Variants in CWC27 observed in about 807,000 individuals in gnomAD.
CWC27 encodes the protein spliceosome-associated protein CWC27 homolog.
CWC27 carries 47 observed loss-of-function variants against 63.6 expected under a neutral mutation model. That is an observed-to-expected ratio of 0.74 (90% CI 0.58 to 0.94). The LOEUF (loss-of-function observed/expected upper bound fraction) is 0.94. Ranked by LOEUF, CWC27 falls within the 40% of genes least tolerant of loss-of-function variation. The probability of loss-of-function intolerance (pLI) is 0.00; values close to 1 mark genes in which losing one functional copy is unlikely to be tolerated. For synonymous variants in CWC27, 175 were observed against 179.8 expected, an observed-to-expected ratio of 0.97 and a Z score of 0.22; for missense variants, 495 against 554.3, an observed-to-expected ratio of 0.89 and a Z score of 1.07.
At chr5:64,860,815 A>C (rs1476644911) in intron 10 of CWC27, among the ~76,000 whole-genome samples, 2 of 152,226 alleles carry the variant, frequency 1.3e-5, no homozygotes, top group Non-Finnish European at 2.9e-5. Context: ...ATTAGTTGAT[A>C]AACTGTGAGT....
At chr5:64,774,504 T>C (rs943003753) in intron 1 of CWC27, among the ~76,000 whole-genome samples, 187 bp from the exon 2 acceptor site, 1 of 152,238 alleles carries the variant, frequency 6.6e-6, no homozygotes, top group Non-Finnish European at 1.5e-5. Flanking sequence ...TTTTGAAAGA[T>C]CTAAATGTAC....
At chr5:64,884,989 C>T (rs1747032341) in intron 10 of CWC27, among the ~76,000 whole-genome samples, 2 of 152,148 alleles carry the variant, frequency 1.3e-5, no homozygotes, top group South Asian at 4.1e-4. Flanking sequence ...TAGCGTGACA[C>T]CTACCGTGTA....
intron 10 of CWC27, among the ~76,000 whole-genome samples, chr5:64,834,010 A>G (rs1745594481): frequency 6.6e-6 from 1 of 151,570 alleles, no homozygotes; most frequent in Non-Finnish European, 1.5e-5. Context: ...TAATATGTAT[A>G]GTATCACTAA....
At position 64,770,348 on chromosome 5, in the gene CWC27, C is replaced by T. The variant is rs147955894; in HGVS notation, c.42+1160C>T. ...ATGTGAAAACCCAAAATACCTACCT[C>T]CTCCTATTTCCAAATGTTTCTTGAG... On this transcript the variant is annotated intron_variant, in intron 1 of 13. Transcript: ENST00000381070. 5.5e-3 allele frequency among the ~76,000 whole-genome samples: 842 copies of T among 152,270 alleles called. 8 individuals are homozygous for T. Among genetic ancestry groups the T allele is most frequent in the African/African-American group, 0.019 (800 of 41,546 alleles).
chr5:65,014,222 CT>C (rs1750012713), intron 13 of CWC27, among the ~76,000 whole-genome samples: 2 of 3,644 alleles, frequency 5.5e-4, no homozygotes, highest in South Asian at 0.038. Context: ...ATACTATATA[CT>C]ACAATATATA....
intron 10 of CWC27, among the ~76,000 whole-genome samples, chr5:64,839,042 A>G (rs1745736725): frequency 6.6e-6 from 1 of 152,196 alleles, no homozygotes; most frequent in African/African-American, 2.4e-5. Context: ...AAACAATGGA[A>G]GGTGGGGCCA....
At chr5:64,907,530 C>T (rs6892925) in intron 11 of CWC27, among the ~76,000 whole-genome samples, 4,313 of 152,286 alleles carry the variant, frequency 0.028, 144 homozygotes, top group African/African-American at 0.08. Context: ...TGAGACTTTG[C>T]TGAAGTTGCT....
chr5:64,772,981 C>T (rs1446051986), intron 1 of CWC27, among the ~76,000 whole-genome samples: 2 of 150,510 alleles, frequency 1.3e-5, no homozygotes, highest in African/African-American at 2.4e-5. Context: ...TGTAATTTTT[C>T]ATAACGACTA....
At chr5:64,846,908 C>T (rs181763299) in intron 10 of CWC27, among the ~76,000 whole-genome samples, 111 of 148,648 alleles carry the variant, frequency 7.5e-4, no homozygotes, top group Non-Finnish European at 1.4e-3. Context: ...ACAGGAGAAT[C>T]GCTTGAATCC....
At chr5:64,922,845 A>C (rs1748023286) in intron 11 of CWC27, among the ~76,000 whole-genome samples, 1 of 152,164 alleles carries the variant, frequency 6.6e-6, no homozygotes, top group Non-Finnish European at 1.5e-5. Flanking sequence ...GGTGCAAGTT[A>C]GGAAAGTTAA....
In CWC27 at chr5:64,896,276, C is replaced by T. The variant is rs188018898; in HGVS notation, c.1042+10730C>T. On this transcript the variant is annotated intron_variant, in intron 11 of 13. Transcript: ENST00000381070. ...CTGAAAAACATTGCTACCTGTGGAC[C>T]TTCACCAAAGGAAATTCTAAAGGAT... 2.0e-5 allele frequency among the ~76,000 whole-genome samples: 3 copies of T among 152,216 alleles called. No homozygotes were observed. In the East Asian group the frequency reaches 5.8e-4, roughly 29 times the overall value.
chr5:64,784,763 G>T (rs953815495), intron 4 of CWC27, among the ~76,000 whole-genome samples: 3 of 152,188 alleles, frequency 2.0e-5, no homozygotes, highest in Non-Finnish European at 2.9e-5. Flanking sequence ...ACTATATGTT[G>T]CAATGTTGTT....
At chr5:64,962,619 C>T (rs1748937019) in intron 11 of CWC27, among the ~76,000 whole-genome samples, 1 of 152,126 alleles carries the variant, frequency 6.6e-6, no homozygotes, top group South Asian at 2.1e-4. Flanking sequence ...TAAACCTCTA[C>T]CAGGCATAAA....
intron 10 of CWC27, among the ~76,000 whole-genome samples, chr5:64,807,053 G>C (rs1428123858): frequency 6.6e-6 from 1 of 152,182 alleles, no homozygotes; most frequent in African/African-American, 2.4e-5. Flanking sequence ...CAGATAGGAT[G>C]TCAGTGTGAT....
intron 11 of CWC27, among the ~76,000 whole-genome samples, chr5:64,951,149 A>G (rs766240436): frequency 9.2e-5 from 14 of 151,906 alleles, no homozygotes; most frequent in Non-Finnish European, 1.9e-4. Flanking sequence ...GAAACTGCCA[A>G]CCTGTCTTCC....
chr5:64,941,167 A>G (rs948342012), intron 11 of CWC27, among the ~76,000 whole-genome samples: 6 of 152,100 alleles, frequency 3.9e-5, no homozygotes, highest in Non-Finnish European at 8.8e-5. Flanking sequence ...CTAGGTTTAT[A>G]TTATAGTTTA....
At chr5:64,943,996 T>C (rs1414100049) in intron 11 of CWC27, among the ~76,000 whole-genome samples, 1 of 152,088 alleles carries the variant, frequency 6.6e-6, no homozygotes, top group Non-Finnish European at 1.5e-5. Flanking sequence ...TAACTAAGGA[T>C]GAGCTGTTTG....
intron 7 of CWC27, among the ~76,000 whole-genome samples, chr5:64,792,249 T>C (rs928459468): frequency 1.3e-5 from 2 of 152,122 alleles, no homozygotes; most frequent in Non-Finnish European, 2.9e-5. Context: ...CTAGGCCTTA[T>C]CTGAGACCCA....
At chr5:64,804,184 G>T (rs1441163060) in intron 9 of CWC27, 45 bp from the exon 10 acceptor site, 1 of 1,532,840 alleles carries the variant, frequency 6.5e-7, no homozygotes, top group East Asian at 2.3e-5. Context: ...AGAAATGAAA[G>T]GGGAAATTGA....
Sources: gnomAD v4.1 joint callset for allele counts (sites outside exome capture counted in the v4.1 genomes callset) on GRCh38, gnomAD v4.1.1 for gene constraint, MANE v1.5 for transcripts, NCBI Gene and HGNC (gene_info 2026-07-23, HGNC 2026-07-21) for gene names.